CAMKMT: variants seen among roughly 807,000 people sequenced by gnomAD.
CAMKMT encodes calmodulin-lysine N-methyltransferase, also known as CaM KMT.
In CAMKMT, 53 loss-of-function variants were observed where a neutral mutation model predicts 48.0. The ratio of observed to expected loss-of-function variants is 1.10; its 90% CI spans 0.89 to 1.39. CAMKMT has a LOEUF of 1.39. Among genes scored for constraint, CAMKMT ranks in the 40% most tolerant of loss-of-function variants. CAMKMT has a pLI of 0.00. For missense variants in CAMKMT, 428 were observed against 402.7 expected (o/e 1.06, Z -0.54); for synonymous variants, 165 against 152.3 (o/e 1.08, Z -0.61).
At chr2:44,623,486 T>G (rs1339426479) in intron 3 of CAMKMT, among the ~76,000 whole-genome samples, 1 of 152,224 alleles carries the variant, frequency 6.6e-6, no homozygotes, top group African/African-American at 2.4e-5. Flanking sequence ...TTAATCCATC[T>G]TGAGTTAATT....
At chr2:44,715,415 G>A in intron 7 of CAMKMT, 62 bp downstream of exon 7, 1 of 1,207,732 alleles carries the variant, frequency 8.3e-7, no homozygotes, top group Non-Finnish European at 1.2e-6. Context: ...TACTATGGAT[G>A]GTTATTAAAA....
At chr2:44,506,301 T>G (rs1670259085) in intron 3 of CAMKMT, among the ~76,000 whole-genome samples, 1 of 152,222 alleles carries the variant, frequency 6.6e-6, no homozygotes, top group African/African-American at 2.4e-5. Flanking sequence ...AGACTACTTG[T>G]ATACCTCATC....
At chr2:44,673,422 CT>C (rs1422920231) in intron 3 of CAMKMT, among the ~76,000 whole-genome samples, 1 of 130,922 alleles carries the variant, frequency 7.6e-6, no homozygotes, top group East Asian at 2.2e-4. Flanking sequence ...GAATGAGACC[CT>C]GTTTAAAAAA....
chr2:44,589,796 C>A (rs1419770951), intron 3 of CAMKMT, among the ~76,000 whole-genome samples: 3 of 78,900 alleles, frequency 3.8e-5, no homozygotes, highest in Non-Finnish European at 8.1e-5. Flanking sequence ...GACCTTTGTT[C>A]ACTTGTTTAT....
Position 44,766,438 on chromosome 2 carries a change from G to T in CAMKMT, c.771G>T (p.Ala257=). ...CCTTTTTACTGTTCTAGGGGAAAGCGATGGTATTTGCCCCACGCCGAGGGA... is the reference window on the plus strand; with the variant it reads ...CCTTTTTACTGTTCTAGGGGAAAGCTATGGTATTTGCCCCACGCCGAGGGA... ...IKRLLQPRGK[A]MVFAPRRGNT... is the part of the protein sequence containing the mutation. The change falls in exon 10 of 11, where the codon GCG becomes GCT. Residue 257 remains alanine (A), a synonymous_variant. Coordinates refer to ENST00000378494, the MANE Select transcript of CAMKMT (RefSeq NM_024766.5). 6.2e-7 allele frequency: 1 copy of T among 1,614,054 alleles called. No individual in the cohort carries two copies. The highest frequency in any genetic ancestry group is 8.5e-7 in the Non-Finnish European group (1 of 1,179,998).
chr2:44,635,471 A>G (rs144538711), intron 3 of CAMKMT, among the ~76,000 whole-genome samples: 1,993 of 152,296 alleles, frequency 0.013, 16 homozygotes, highest in Non-Finnish European at 0.018. Context: ...AAAAATATAA[A>G]TGAGATAATT....
chr2:44,383,187 C>G (rs1490942578), intron 2 of CAMKMT, among the ~76,000 whole-genome samples: 3 of 151,730 alleles, frequency 2.0e-5, no homozygotes, highest in African/African-American at 7.3e-5. Context: ...TTTTTTGAGG[C>G]AGAATCTCGC....
intron 3 of CAMKMT, among the ~76,000 whole-genome samples, chr2:44,451,331 T>C (rs1198974871): frequency 6.6e-6 from 1 of 152,082 alleles, no homozygotes; most frequent in Non-Finnish European, 1.5e-5. Context: ...TTCTGATACA[T>C]TAATGATTAG....
intron 3 of CAMKMT, among the ~76,000 whole-genome samples, chr2:44,554,144 C>T (rs959872417): frequency 6.6e-6 from 1 of 152,148 alleles, no homozygotes; most frequent in Non-Finnish European, 1.5e-5. Flanking sequence ...TATGTTCAGT[C>T]GGAGTTCCTG....
At chr2:44,409,980 AAT>A (rs1421597968) in intron 3 of CAMKMT, among the ~76,000 whole-genome samples, 7 of 152,206 alleles carry the variant, frequency 4.6e-5, no homozygotes, top group Admixed American at 1.3e-4. Flanking sequence ...GATGAACTAT[AAT>A]ATGTTTTAAT....
At position 44,462,953 on chromosome 2, in the gene CAMKMT, C is replaced by A. The variant is rs145005338; in HGVS notation, c.376+72648C>A. 3.9e-3 allele frequency among the ~76,000 whole-genome samples: 601 copies of A among 152,272 alleles called. 6 individuals carry two copies. The highest frequency in any genetic ancestry group is 0.014 in the African/African-American group (563 of 41,546). ...CATGAACTGCTACCTTCTGTATTTC[C>A]TATACATTGATCGTTAAATCTAGAG... On this transcript the variant is annotated intron_variant, in intron 3 of 10. Transcript: ENST00000378494.
chr2:44,631,498 C>G (rs758915237), intron 3 of CAMKMT: 7 of 621,496 alleles, frequency 1.1e-5, no homozygotes, highest in African/African-American at 7.6e-5. Context: ...CAGATGATGT[C>G]TCACTTTATT....
chr2:44,639,430 G>A (rs1487329414), intron 3 of CAMKMT, among the ~76,000 whole-genome samples: 2 of 152,172 alleles, frequency 1.3e-5, no homozygotes, highest in East Asian at 3.8e-4. Flanking sequence ...GGATTCAATC[G>A]CAACTCTGCC....
chr2:44,526,096 G>C (rs1671390589), intron 3 of CAMKMT, among the ~76,000 whole-genome samples: 1 of 151,472 alleles, frequency 6.6e-6, no homozygotes, highest in African/African-American at 2.4e-5. Flanking sequence ...GTAGGGACAT[G>C]GATGAAATTG....
At chr2:44,554,650 C>A (rs1199238103) in intron 3 of CAMKMT, among the ~76,000 whole-genome samples, 1 of 152,020 alleles carries the variant, frequency 6.6e-6, no homozygotes, top group Non-Finnish European at 1.5e-5. Context: ...GTGGGAGGAT[C>A]ACTTGAGCCC....
chr2:44,562,274 A>G (rs536654854), intron 3 of CAMKMT, among the ~76,000 whole-genome samples: 2 of 152,134 alleles, frequency 1.3e-5, no homozygotes, highest in East Asian at 3.9e-4. Context: ...AACGAATTCT[A>G]TTTTTCTTGG....
chr2:44,583,566 G>A (rs1669685944), intron 3 of CAMKMT, among the ~76,000 whole-genome samples: 1 of 152,178 alleles, frequency 6.6e-6, no homozygotes, highest in South Asian at 2.1e-4. Context: ...GCTGAGACAA[G>A]AAGGTTTCTT....
intron 3 of CAMKMT, chr2:44,456,506 A>G: frequency 6.5e-7 from 1 of 1,533,130 alleles, no homozygotes; most frequent in East Asian, 2.5e-5. Flanking sequence ...AGACCTTGGA[A>G]TGAAAAGCTT....
intron 8 of CAMKMT, among the ~76,000 whole-genome samples, chr2:44,744,279 G>T (rs1679832745): frequency 6.6e-6 from 1 of 152,076 alleles, no homozygotes; most frequent in Admixed American, 6.5e-5. Flanking sequence ...TTATTCTTAT[G>T]CAAATAATAA....
Sources: gnomAD v4.1 joint callset for allele counts (sites outside exome capture counted in the v4.1 genomes callset) on GRCh38, gnomAD v4.1.1 for gene constraint, MANE v1.5 for transcripts, NCBI Gene and HGNC (gene_info 2026-07-23, HGNC 2026-07-21) for gene names.